SPA17: variants seen among roughly 807,000 people sequenced by gnomAD.
SPA17 encodes the protein sperm autoantigenic protein 17, also known as sperm surface protein Sp17.
In SPA17, 7 loss-of-function variants were observed where a neutral mutation model predicts 13.8. The ratio of observed to expected loss-of-function variants is 0.51; its 90% CI spans 0.29 to 0.95. SPA17 has a LOEUF of 0.95. Ranked by LOEUF, SPA17 falls within the 40% of genes least tolerant of loss-of-function variation. SPA17 has a pLI of 0.08. For synonymous variants in SPA17, 61 were observed against 59.0 expected, an observed-to-expected ratio of 1.03 and a Z score of -0.16; for missense variants, 170 against 179.3, an observed-to-expected ratio of 0.95 and a Z score of 0.30.
chr11:124,674,100 C>T (rs376076368), intron 1 of SPA17, 148 bp downstream of exon 1: 106 of 243,932 alleles, frequency 4.3e-4, no homozygotes, highest in African/African-American at 2.2e-3. Flanking sequence ...TCTGAAATCC[C>T]AGGTCCTCAA....
At chr11:124,682,527 A>C (rs1243502089) in intron 3 of SPA17, among the ~76,000 whole-genome samples, 3 of 152,156 alleles carry the variant, frequency 2.0e-5, no homozygotes, top group African/African-American at 7.2e-5. Context: ...AAAATTTTAC[A>C]AGGTGATAGA....
chr11:124,691,767 A>G lies in SPA17; in HGVS notation c.297A>G (p.Thr99=), dbSNP rs749938942. The stretch of plus-strand genomic sequence containing the variant: ...AGATATCTGGGAAGGAGGAAGAGAC[A>G]TCAGTCACCATCTTAGTATGTAATA... ...ESQISGKEEE[T]SVTILDSSEE... is the part of the protein sequence containing the mutation. The change falls in exon 4 of 5, where the codon ACA becomes ACG. Residue 99 remains threonine (T), a synonymous_variant. Coordinates refer to ENST00000227135, the MANE Select transcript of SPA17 (RefSeq NM_017425.4). 1 of 1,606,884 alleles carries G rather than the reference A, an allele frequency of 6.2e-7. No individual in the cohort carries two copies. The highest frequency in any genetic ancestry group is 8.5e-7 in the Non-Finnish European group (1 of 1,175,212).
intron 4 of SPA17, among the ~76,000 whole-genome samples, chr11:124,692,415 C>T (rs1490890719): frequency 1.3e-5 from 2 of 151,996 alleles, no homozygotes; most frequent in Non-Finnish European, 2.9e-5. Context: ...CCCATCTCTA[C>T]TAAAAATACA....
intron 3 of SPA17, among the ~76,000 whole-genome samples, chr11:124,686,440 A>G (rs1264946381): frequency 6.6e-6 from 1 of 152,242 alleles, no homozygotes; most frequent in African/African-American, 2.4e-5. Flanking sequence ...AAACAAATGG[A>G]CCTAACAAAC....
At chr11:124,678,516 C>CTGTG (rs60663679) in intron 2 of SPA17, among the ~76,000 whole-genome samples, 6,006 of 143,262 alleles carry the variant, frequency 0.042, 186 homozygotes, top group African/African-American at 0.096. Flanking sequence ...GAATACATAA[C>CTGTG]TGTGTGTGTG....
intron 2 of SPA17, among the ~76,000 whole-genome samples, chr11:124,678,947 A>G (rs1053921103): frequency 6.6e-6 from 1 of 152,136 alleles, no homozygotes; most frequent in African/African-American, 2.4e-5. Flanking sequence ...GGGTAGAGAG[A>G]ACATGATAGA....
intron 3 of SPA17, among the ~76,000 whole-genome samples, chr11:124,689,546 G>A (rs1943605902): frequency 6.6e-6 from 1 of 152,138 alleles, no homozygotes; most frequent in South Asian, 2.1e-4. Flanking sequence ...CAGCACTTTG[G>A]GAGGCAAGGC....
intron 3 of SPA17, among the ~76,000 whole-genome samples, chr11:124,685,532 C>G (rs1480459756): frequency 6.6e-6 from 1 of 152,234 alleles, no homozygotes; most frequent in African/African-American, 2.4e-5. Context: ...CACTGGGGCA[C>G]TGCCTGGTGG....
chr11:124,690,858 C>G (rs1203719199), intron 3 of SPA17, among the ~76,000 whole-genome samples: 1 of 152,190 alleles, frequency 6.6e-6, no homozygotes, highest in Non-Finnish European at 1.5e-5. Context: ...GGAGCTGTCA[C>G]TTATTACACA....
chr11:124,692,424 C>T lies in SPA17; in HGVS notation c.312+642C>T, dbSNP rs567188749. Among the ~76,000 whole-genome samples the T allele has an allele frequency of 3.3e-5, 5 of 151,970 alleles. No individual in the cohort carries two copies. In the East Asian group the frequency reaches 9.7e-4, roughly 30 times the overall value. ...TGAAACCCCATCTCTACTAAAAATA[C>T]AAAAAATTAGCCGGGCATGGTGGCG... On this transcript the variant is annotated intron_variant, in intron 4 of 4. Transcript: ENST00000227135.
At chr11:124,682,780 A>G (rs1327305922) in intron 3 of SPA17, among the ~76,000 whole-genome samples, 1 of 152,140 alleles carries the variant, frequency 6.6e-6, no homozygotes, top group Non-Finnish European at 1.5e-5. Context: ...ATCCGCAAGG[A>G]CAAAAAGATC....
chr11:124,684,026 A>T (rs1162231539), intron 3 of SPA17, among the ~76,000 whole-genome samples: 2 of 152,068 alleles, frequency 1.3e-5, no homozygotes, highest in East Asian at 1.9e-4. Context: ...TGTGGGAGGG[A>T]TGCAGTGGGA....
intron 4 of SPA17, among the ~76,000 whole-genome samples, chr11:124,693,973 A>G (rs960443980): frequency 6.6e-6 from 1 of 152,158 alleles, no homozygotes; most frequent in Non-Finnish European, 1.5e-5. Flanking sequence ...CATTTTTACC[A>G]TGCCTCAAGG....
chr11:124,680,301 G>C (rs776717714), intron 2 of SPA17, among the ~76,000 whole-genome samples: 1 of 151,938 alleles, frequency 6.6e-6, no homozygotes, highest in African/African-American at 2.4e-5. Context: ...AAATCAAACC[G>C]TCAAACCCGA....
In SPA17 at chr11:124,691,718, G is replaced by T. The variant is rs1206737813; in HGVS notation, c.248G>T (p.Ser83Ile). The T allele has an allele frequency of 1.9e-6, 3 of 1,612,214 alleles. No homozygotes were observed. In the African/African-American group the frequency reaches 4.0e-5, roughly 22 times the overall value. ...AFEEQEPPEK[S>I]DPKQEESQIS... ...CAGGAGCAAGAACCACCTGAGAAAA[G>T]TGATCCTAAACAAGAAGAGTCTCAG... The change falls in exon 4 of 5, where the codon AGT (serine) becomes ATT (isoleucine). Residue 83 changes from serine (S) to isoleucine (I), a missense_variant. Coordinates refer to ENST00000227135, the MANE Select transcript of SPA17 (RefSeq NM_017425.4).
chr11:124,675,303 A>T lies in SPA17; in HGVS notation c.39A>T (p.Pro13=). 2.5e-6 allele frequency: 4 copies of T among 1,614,168 alleles called. No homozygotes were observed. Among genetic ancestry groups the T allele is most frequent in the Non-Finnish European group, 2.5e-6 (3 of 1,180,020 alleles). The change falls in exon 2 of 5, where the codon CCA becomes CCT. Residue 13 remains proline, a synonymous_variant. Transcript: ENST00000227135. ...IPFSNTHYRI[P]QGFGNLLEGL... is the part of the protein sequence containing the mutation. ...TCTCCAACACCCACTACCGAATTCC[A>T]CAAGGATTTGGGAATCTTCTTGAAG...
intron 2 of SPA17, 58 bp from the exon 3 acceptor site, chr11:124,681,331 C>G: frequency 7.3e-7 from 1 of 1,375,172 alleles, no homozygotes; most frequent in East Asian, 2.5e-5. Context: ...TGTCACTATT[C>G]TACATTTACC....
At chr11:124,684,159 GCCT>G (rs1365381085) in intron 3 of SPA17, among the ~76,000 whole-genome samples, 3 of 152,236 alleles carry the variant, frequency 2.0e-5, no homozygotes, top group Admixed American at 1.3e-4. Flanking sequence ...GTTTTCTGAG[GCCT>G]CCTCAGCCAT....
chr11:124,682,138 C>A (rs1943535311), intron 3 of SPA17, among the ~76,000 whole-genome samples: 1 of 152,072 alleles, frequency 6.6e-6, no homozygotes, highest in South Asian at 2.1e-4. Flanking sequence ...AATCAGTGTC[C>A]TGATTTGTAT....
Sources: gnomAD v4.1 joint callset for allele counts (sites outside exome capture counted in the v4.1 genomes callset) on GRCh38, gnomAD v4.1.1 for gene constraint, MANE v1.5 for transcripts, NCBI Gene and HGNC (gene_info 2026-07-23, HGNC 2026-07-21) for gene names.